Variants in SH3GL2 observed in about 807,000 individuals in gnomAD.
The protein encoded by SH3GL2 is endophilin-A1.
Under a neutral mutation model 46.0 loss-of-function variants are expected in SH3GL2, and 24 were observed. The observed-to-expected ratio is 0.52, with a 90% CI of 0.38 to 0.73. SH3GL2 has a LOEUF of 0.73. SH3GL2 is among the 30% of genes least tolerant of loss of function. The pLI is 0.00. For synonymous variants in SH3GL2, 196 were observed against 147.1 expected (o/e 1.33, Z -2.40); for missense variants, 413 against 424.2 (o/e 0.97, Z 0.23).
intron 1 of SH3GL2, among the ~76,000 whole-genome samples, chr9:17,705,766 CAAAG>C (rs1386948892): frequency 1.3e-5 from 2 of 151,778 alleles, no homozygotes; most frequent in East Asian, 1.9e-4. Context: ...CACATGGACA[CAAAG>C]AAGGGAACCA....
intron 1 of SH3GL2, among the ~76,000 whole-genome samples, chr9:17,724,309 A>C (rs982888059): frequency 5.3e-5 from 8 of 152,124 alleles, no homozygotes; most frequent in African/African-American, 1.9e-4. Flanking sequence ...ATACTCTTCA[A>C]GAGTCCCATT....
At position 17,795,875 on chromosome 9, in the gene SH3GL2, C is replaced by T. The variant is rs561352992; in HGVS notation, c.*132C>T. ...CACGTCATCCAGCCCCACCAAGTGA[C>T]TTTGGTTGACTTGTGGGCTCCCACA... is the stretch of plus-strand genomic sequence containing the variant. On this transcript the variant is annotated 3_prime_UTR_variant, in exon 9 of 9. Transcript: ENST00000380607. 1.7e-4 allele frequency: 121 copies of T among 698,278 alleles called. No homozygotes were observed. The highest frequency in any genetic ancestry group is 2.7e-4 in the Non-Finnish European group (111 of 414,336). The allele number at this position is 698,278 out of a possible 1,614,324, so 43.3% of individuals were successfully genotyped here. A position where few individuals can be genotyped will look rare whatever the true frequency, so the allele number is the denominator to read the frequency against.
chr9:17,586,398 A>T (rs1314688672), intron 1 of SH3GL2, among the ~76,000 whole-genome samples: 3 of 152,156 alleles, frequency 2.0e-5, no homozygotes, highest in Non-Finnish European at 2.9e-5. Context: ...AAAAAATAGA[A>T]ATATCTTTTT....
intron 3 of SH3GL2, among the ~76,000 whole-genome samples, chr9:17,785,476 C>T (rs73645328): frequency 0.026 from 3,976 of 152,212 alleles, 181 homozygotes; most frequent in African/African-American, 0.092. Context: ...TCAAGATTGT[C>T]AGCCACTGAA....
At chr9:17,687,968 C>T (rs992187914) in intron 1 of SH3GL2, among the ~76,000 whole-genome samples, 1 of 152,060 alleles carries the variant, frequency 6.6e-6, no homozygotes, top group African/African-American at 2.4e-5. Flanking sequence ...CTGTAATGCT[C>T]TAGTATTTAA....
At chr9:17,606,030 A>G (rs1453509901) in intron 1 of SH3GL2, among the ~76,000 whole-genome samples, 1 of 152,050 alleles carries the variant, frequency 6.6e-6, no homozygotes, top group Non-Finnish European at 1.5e-5. Flanking sequence ...TTTTTCAAGT[A>G]GTCTCATTCT....
chr9:17,712,917 T>G (rs1821667949), intron 1 of SH3GL2, among the ~76,000 whole-genome samples: 1 of 123,604 alleles, frequency 8.1e-6, no homozygotes, highest in Non-Finnish European at 1.6e-5. Flanking sequence ...ATAGAAATAG[T>G]AAGCGTGAAC....
chr9:17,790,356 G>C (rs182591270), intron 6 of SH3GL2: 1 of 758,754 alleles, frequency 1.3e-6, no homozygotes, highest in Admixed American at 6.3e-5. Context: ...CCTTAATCTA[G>C]TCAAGTTGTC....
intron 1 of SH3GL2, among the ~76,000 whole-genome samples, chr9:17,731,635 A>G (rs1333346718): frequency 6.6e-6 from 1 of 152,072 alleles, no homozygotes; most frequent in Non-Finnish European, 1.5e-5. Context: ...AAGAAGGTAA[A>G]ATTCTATTGT....
chr9:17,677,610 G>C (rs1588229515), intron 1 of SH3GL2, among the ~76,000 whole-genome samples: 2 of 145,970 alleles, frequency 1.4e-5, no homozygotes, highest in Admixed American at 1.4e-4. Flanking sequence ...GTTACCTACT[G>C]TTTAAATTGT....
chr9:17,707,538 A>G (rs1014589698), intron 1 of SH3GL2, among the ~76,000 whole-genome samples: 34 of 152,198 alleles, frequency 2.2e-4, no homozygotes, highest in African/African-American at 6.5e-4. Flanking sequence ...ACTTTGTGCT[A>G]TGCAACTGTG....
chr9:17,630,347 A>G (rs1819391589), intron 1 of SH3GL2: 2 of 152,244 alleles, frequency 1.3e-5, no homozygotes, highest in South Asian at 2.1e-4. Flanking sequence ...CTTTCGTTTC[A>G]TAACAGTCTT....
intron 2 of SH3GL2, among the ~76,000 whole-genome samples, chr9:17,760,789 C>T (rs769310140): frequency 2.6e-5 from 4 of 152,138 alleles, no homozygotes; most frequent in Non-Finnish European, 4.4e-5. Flanking sequence ...CTGCAGTGAG[C>T]ACCTTCCATG....
At chr9:17,711,928 C>T (rs999487855) in intron 1 of SH3GL2, among the ~76,000 whole-genome samples, 1 of 151,764 alleles carries the variant, frequency 6.6e-6, no homozygotes, top group Non-Finnish European at 1.5e-5. Flanking sequence ...TACAAGCCAG[C>T]AACAGTGTAC....
At chr9:17,620,656 A>T (rs1819117145) in intron 1 of SH3GL2, among the ~76,000 whole-genome samples, 1 of 152,130 alleles carries the variant, frequency 6.6e-6, no homozygotes, top group Non-Finnish European at 1.5e-5. Context: ...CAGCAATGGG[A>T]TTGGAGAGAA....
chr9:17,756,810 G>A (rs1355737057), intron 2 of SH3GL2, among the ~76,000 whole-genome samples: 2 of 152,094 alleles, frequency 1.3e-5, no homozygotes, highest in African/African-American at 4.8e-5. Flanking sequence ...CTTTATAGCA[G>A]CATGATTTAT....
intron 1 of SH3GL2, among the ~76,000 whole-genome samples, chr9:17,584,122 A>C (rs1465678256): frequency 6.6e-6 from 1 of 152,194 alleles, no homozygotes; most frequent in Non-Finnish European, 1.5e-5. Context: ...CATTTTATAC[A>C]TGCATTTTTC....
intron 1 of SH3GL2, among the ~76,000 whole-genome samples, chr9:17,643,150 A>T (rs1014982504): frequency 6.6e-6 from 1 of 152,124 alleles, no homozygotes; most frequent in Non-Finnish European, 1.5e-5. Context: ...CTTTGTAGCA[A>T]TTGTGAATGG....
At chr9:17,649,547 C>A (rs1819905482) in intron 1 of SH3GL2, among the ~76,000 whole-genome samples, 1 of 152,072 alleles carries the variant, frequency 6.6e-6, no homozygotes, top group South Asian at 2.1e-4. Flanking sequence ...TTTAAAAGGG[C>A]ATTGGTAAAT....
Sources: allele counts gnomAD v4.1 joint callset (sites outside exome capture counted in the v4.1 genomes callset), GRCh38; gene constraint gnomAD v4.1.1; transcripts MANE v1.5; gene names NCBI Gene and HGNC (gene_info 2026-07-23, HGNC 2026-07-21).